LPCAT2: variants seen among roughly 807,000 people sequenced by gnomAD.
The protein encoded by LPCAT2 is lysophosphatidylcholine acyltransferase 2, also known as 1-AGP acyltransferase 11.
A neutral mutation model predicts 64.7 loss-of-function variants in LPCAT2; 58 were observed. The observed-to-expected ratio is 0.90, with a 90% CI of 0.73 to 1.12. The LOEUF is 1.12. LPCAT2 is among the 50% of genes most tolerant of loss of function. LPCAT2 has a pLI of 0.00. For synonymous variants in LPCAT2, 252 were observed against 245.3 expected (o/e 1.03, Z -0.26); for missense variants, 579 against 669.8 (o/e 0.86, Z 1.50).
intron 10 of LPCAT2, among the ~76,000 whole-genome samples, chr16:55,550,442 A>G (rs1596872722): frequency 6.6e-6 from 1 of 152,234 alleles, no homozygotes; most frequent in South Asian, 2.1e-4. Flanking sequence ...TTGTTATTTC[A>G]TCTTTAAAAA....
intron 9 of LPCAT2, 48 bp from the exon 10 acceptor site, chr16:55,549,229 T>C (rs1242191637): frequency 7.3e-7 from 1 of 1,374,038 alleles, no homozygotes; most frequent in African/African-American, 1.7e-5. Context: ...TATGATTACT[T>C]TTTTTTTTAA....
intron 8 of LPCAT2, chr16:55,541,526 A>G (rs74500872): frequency 0.027 from 4,324 of 160,002 alleles, 82 homozygotes; most frequent in East Asian, 0.11. Flanking sequence ...AACTACACAC[A>G]CACACACACA....
intron 1 of LPCAT2, among the ~76,000 whole-genome samples, chr16:55,518,493 CA>C (rs1963045270): frequency 6.6e-6 from 1 of 152,076 alleles, no homozygotes; most frequent in South Asian, 2.1e-4. Flanking sequence ...AAAATAAAAA[CA>C]AAATTGGAGA....
intron 9 of LPCAT2, 31 bp from the exon 10 acceptor site, chr16:55,549,246 T>A (rs1415842357): frequency 2.0e-6 from 3 of 1,499,900 alleles, no homozygotes; most frequent in African/African-American, 1.5e-5. Flanking sequence ...TTAAAAAAAA[T>A]GAATTTTAGT....
intron 8 of LPCAT2, among the ~76,000 whole-genome samples, chr16:55,544,478 G>A (rs1479976706): frequency 6.6e-6 from 1 of 152,168 alleles, no homozygotes; most frequent in African/African-American, 2.4e-5. Context: ...TTGCTGTCAT[G>A]TTTGTAGGGC....
At chr16:55,528,007 G>T (rs1239448376) in intron 2 of LPCAT2, among the ~76,000 whole-genome samples, 1 of 152,190 alleles carries the variant, frequency 6.6e-6, no homozygotes, top group Non-Finnish European at 1.5e-5. Context: ...TGTGTGTTGA[G>T]AATTCATGTT....
At chr16:55,582,116 C>T (rs1218137388) in intron 13 of LPCAT2, among the ~76,000 whole-genome samples, 1 of 151,962 alleles carries the variant, frequency 6.6e-6, no homozygotes, top group East Asian at 1.9e-4. Flanking sequence ...CTAGAAAGAA[C>T]AAAAATACAG....
rs1269239996 is a variant in LPCAT2, at chr16:55,585,063, A to G, written c.*1965A>G. The G allele has an allele frequency of 6.6e-6, 1 of 152,120 alleles. No homozygotes were observed. Among genetic ancestry groups the G allele is most frequent in the Non-Finnish European group, 1.5e-5 (1 of 67,976 alleles). The allele number at this position is 152,120 out of a possible 1,614,324, so 9.4% of individuals were successfully genotyped here. A position where few individuals can be genotyped will look rare whatever the true frequency, so the allele number is the denominator to read the frequency against. On this transcript the variant is annotated 3_prime_UTR_variant, in exon 14 of 14. Transcript: ENST00000262134. ...CTTTGAGGCTCTTGAAAGTGATCCC[A>G]TTGCTTTCCTGTTTTAAAAATATTT...
chr16:55,511,076 C>T (rs1237341189), intron 1 of LPCAT2, among the ~76,000 whole-genome samples: 1 of 152,106 alleles, frequency 6.6e-6, no homozygotes, highest in Non-Finnish European at 1.5e-5. Flanking sequence ...AGTCACTTAA[C>T]CTCTCTGAAC....
intron 12 of LPCAT2, among the ~76,000 whole-genome samples, chr16:55,576,594 C>T (rs1409264760): frequency 6.6e-6 from 1 of 152,202 alleles, no homozygotes; most frequent in Non-Finnish European, 1.5e-5. Context: ...AATGAGCAAA[C>T]TCCAACTCTG....
Position 55,574,687 on chromosome 16 carries a change from C to A in LPCAT2, c.1272C>A (p.Cys424Ter). 3 of 1,613,570 alleles carry A rather than the reference C, an allele frequency of 1.9e-6. No individual in the cohort carries two copies. Among genetic ancestry groups the A allele is most frequent in the Non-Finnish European group, 2.5e-6 (3 of 1,179,652 alleles). Residue 424 changes from cysteine to a stop codon, truncating the protein, a stop_gained, in exon 12 of 14, where the codon TGC becomes TGA. Coordinates refer to ENST00000262134, the MANE Select transcript of LPCAT2 (RefSeq NM_017839.5). LOFTEE classifies it high-confidence loss of function. The part of the protein sequence containing the change: ...REYVIGLAVL[C>*]NPSNTEEIIQ... The stretch of plus-strand genomic sequence containing the variant: ...ATGTGATTGGCCTGGCTGTCTTGTG[C>A]AACCCTTCCAACACAGAGGAGATCA...
chr16:55,562,374 G>A (rs1160429267), intron 11 of LPCAT2, among the ~76,000 whole-genome samples: 9 of 151,838 alleles, frequency 5.9e-5, no homozygotes, highest in Non-Finnish European at 1.3e-4. Context: ...TGCCTCAGTA[G>A]AATTCATTGA....
At chr16:55,551,683 G>T (rs55800295) in intron 11 of LPCAT2, among the ~76,000 whole-genome samples, 13,282 of 152,234 alleles carry the variant, frequency 0.087, 826 homozygotes, top group African/African-American at 0.17. Flanking sequence ...AATATTTAAG[G>T]ACATGCAATT....
At position 55,585,597 on chromosome 16, in the gene LPCAT2, C is replaced by A. The variant is rs1443806591; in HGVS notation, c.*2499C>A. On this transcript the variant is annotated 3_prime_UTR_variant, in exon 14 of 14. Transcript: ENST00000262134. ...AAGTGAGAAATATTATATCCTAAAA[C>A]CTCTAAACCACAAACATTCAATTGA... The A allele has an allele frequency of 1.3e-5, 2 of 152,146 alleles. No homozygotes were observed. Among genetic ancestry groups the A allele is most frequent in the Non-Finnish European group, 1.5e-5 (1 of 68,032 alleles). The allele number at this position is 152,146 out of a possible 1,614,324, so 9.4% of individuals were successfully genotyped here.
intron 1 of LPCAT2, among the ~76,000 whole-genome samples, chr16:55,518,289 G>A (rs918060338): frequency 2.0e-5 from 3 of 151,626 alleles, no homozygotes; most frequent in African/African-American, 4.9e-5. Context: ...AAATAAATGG[G>A]AAGACATCCT....
intron 9 of LPCAT2, 48 bp from the exon 10 acceptor site, chr16:55,549,227 CTT>C (rs143728020): frequency 5.2e-5 from 69 of 1,337,698 alleles, no homozygotes; most frequent in Non-Finnish European, 6.2e-5. Context: ...AATATGATTA[CTT>C]TTTTTTTTAA....
intron 6 of LPCAT2, 52 bp from the exon 7 acceptor site, chr16:55,534,391 T>C: frequency 9.6e-7 from 1 of 1,044,034 alleles, no homozygotes; most frequent in Non-Finnish European, 1.5e-6. Context: ...ATCTTTATTT[T>C]ATTTAGTATT....
At chr16:55,513,517 CA>C (rs58589198) in intron 1 of LPCAT2, among the ~76,000 whole-genome samples, 70,814 of 147,078 alleles carry the variant, frequency 0.48, 17,101 homozygotes, top group Non-Finnish European at 0.54. Flanking sequence ...GCAATGAAAA[CA>C]AAAAAAAAAA....
intron 11 of LPCAT2, among the ~76,000 whole-genome samples, chr16:55,565,492 T>G (rs1963684522): frequency 6.6e-6 from 1 of 152,094 alleles, no homozygotes; most frequent in South Asian, 2.1e-4. Context: ...AAAATGAGTA[T>G]ATTAATGCAA....
Sources: gnomAD v4.1 joint callset for allele counts (sites outside exome capture counted in the v4.1 genomes callset) on GRCh38, gnomAD v4.1.1 for gene constraint, MANE v1.5 for transcripts, NCBI Gene and HGNC (gene_info 2026-07-23, HGNC 2026-07-21) for gene names.